The following USP47 variants were observed in gnomAD, a reference collection of about 807,000 sequenced individuals.
USP47 encodes ubiquitin carboxyl-terminal hydrolase 47.
USP47 carries 35 observed loss-of-function variants against 165.1 expected under a neutral mutation model. The observed-to-expected ratio is 0.21, with a 90% confidence interval of 0.16 to 0.28. USP47 has a LOEUF of 0.28. Ranked by LOEUF, USP47 falls within the 10% of genes least tolerant of loss-of-function variation. The probability of loss-of-function intolerance (pLI) is 1.00; values close to 1 mark genes in which losing one functional copy is unlikely to be tolerated. For synonymous variants in USP47, 531 were observed against 544.5 expected, an observed-to-expected ratio of 0.98 and a Z score of 0.35; for missense variants, 1,277 against 1,607.4, an observed-to-expected ratio of 0.79 and a Z score of 3.52.
At chr11:11,944,231 T>C (rs929168699) in intron 20 of USP47, among the ~76,000 whole-genome samples, 10 of 151,002 alleles carry the variant, frequency 6.6e-5, no homozygotes, top group Non-Finnish European at 1.3e-4. Flanking sequence ...TGCAGCCTTA[T>C]GCTTCATCTC....
At chr11:11,866,696 C>T (rs1849703098) in intron 1 of USP47, among the ~76,000 whole-genome samples, 1 of 152,024 alleles carries the variant, frequency 6.6e-6, no homozygotes, top group Non-Finnish European at 1.5e-5. Context: ...ACAGAAATCT[C>T]TGTTTTTGCA....
At chr11:11,847,101 G>T (rs1487422962) in intron 1 of USP47, among the ~76,000 whole-genome samples, 1 of 152,094 alleles carries the variant, frequency 6.6e-6, no homozygotes, top group Non-Finnish European at 1.5e-5. Flanking sequence ...ACAATTTAGG[G>T]TTAAATGCGT....
chr11:11,955,504 T>A (rs1054858840), intron 27 of USP47, among the ~76,000 whole-genome samples: 2 of 152,190 alleles, frequency 1.3e-5, no homozygotes, highest in Admixed American at 1.3e-4. Flanking sequence ...TTCCAGCACA[T>A]CTCAATTTGA....
chr11:11,913,144 G>A, intron 8 of USP47, among the ~76,000 whole-genome samples: 1 of 151,098 alleles, frequency 6.6e-6, no homozygotes, highest in East Asian at 1.9e-4. Flanking sequence ...AGTCCTAGAA[G>A]TCCTAGCCAA....
chr11:11,889,204 A>G (rs1472753686), intron 3 of USP47, among the ~76,000 whole-genome samples: 1 of 152,220 alleles, frequency 6.6e-6, no homozygotes, highest in Non-Finnish European at 1.5e-5. Context: ...TGACCTGGGC[A>G]ATCAGGCAAG....
chr11:11,958,202 G>A lies in USP47; in HGVS notation c.*2027G>A, dbSNP rs755732600. The A allele has an allele frequency of 7.2e-5, 11 of 152,210 alleles. No individual in the cohort carries two copies. Among genetic ancestry groups the A allele is most frequent in the Non-Finnish European group, 1.2e-4 (8 of 68,030 alleles). The allele number at this position is 152,210 out of a possible 1,614,324, so 9.4% of individuals were successfully genotyped here. On this transcript the variant is annotated 3_prime_UTR_variant, in exon 28 of 28. Coordinates refer to ENST00000527733, the MANE Select transcript of USP47 (RefSeq NM_001282659.2). The stretch of plus-strand genomic sequence containing the variant: ...ATTGGGTTTGGTTTAGTATTCCTAT[G>A]AGCGTAAATGGTAAAATTCTTCTGA...
rs1403696627 is a variant in USP47 at position 11,891,992 on chromosome 11, A to C, written c.382A>C (p.Ser128Arg). The C allele has an allele frequency of 1.2e-6, 2 of 1,613,420 alleles. No individual in the cohort carries two copies. Among genetic ancestry groups the C allele is most frequent in the Middle Eastern group, 1.7e-4 (1 of 6,056 alleles). ...LLEDSSAGED[S>R]VHDRFIGPLP... The stretch of plus-strand genomic sequence containing the variant: ...GGAGGATTCCAGTGCTGGGGAAGAC[A>C]GTGTTCATGACAGGTTTATAGGTCC... The change falls in exon 4 of 28, where the codon AGT becomes CGT. Residue 128 changes from serine (S) to arginine (R), a missense_variant. Physicochemically the swap from Ser to Arg is moderately radical, Grantham distance 110. This residue lies in a region of USP47 where 181 missense variants were observed against 194.7 expected (regional missense o/e 0.93). Coordinates refer to ENST00000527733, the MANE Select transcript of USP47 (RefSeq NM_001282659.2).
At chr11:11,917,106 C>T (rs985404896) in intron 8 of USP47, among the ~76,000 whole-genome samples, 2 of 152,040 alleles carry the variant, frequency 1.3e-5, no homozygotes, top group Non-Finnish European at 2.9e-5. Context: ...TGAGCCAGCA[C>T]ACCACTGCAT....
intron 4 of USP47, among the ~76,000 whole-genome samples, chr11:11,893,735 A>T (rs1476842800): frequency 2.0e-5 from 3 of 151,884 alleles, no homozygotes; most frequent in Non-Finnish European, 2.9e-5. Flanking sequence ...TTTTCTAGAG[A>T]TGAGGTCTCA....
At chr11:11,861,266 TG>T (rs1380004683) in intron 1 of USP47, among the ~76,000 whole-genome samples, 1 of 152,142 alleles carries the variant, frequency 6.6e-6, no homozygotes, top group Non-Finnish European at 1.5e-5. Context: ...AGCTAATTTT[TG>T]TATTTTTTAG....
rs79953754 is a variant in USP47 at position 11,889,060 on chromosome 11, A to G, written c.358-2908A>G. On this transcript the variant is annotated intron_variant, in intron 3 of 27. Transcript: ENST00000527733. The stretch of plus-strand genomic sequence containing the variant: ...ATTGAAGGAATATACTCAAAATAGC[A>G]AGAATCATATATGACAGGCCCACAG... Among the ~76,000 whole-genome samples, 846 of 152,272 alleles carry G rather than the reference A, an allele frequency of 5.6e-3. 25 individuals are homozygous for G. In the East Asian group the frequency reaches 0.062, roughly 11 times the overall value.
At chr11:11,870,778 T>C (rs1849987865) in intron 1 of USP47, among the ~76,000 whole-genome samples, 1 of 152,236 alleles carries the variant, frequency 6.6e-6, no homozygotes, top group Non-Finnish European at 1.5e-5. Flanking sequence ...TTTTCCTCTC[T>C]TTGTTTTAAT....
Position 11,920,262 on chromosome 11 carries a change from T to C in USP47, c.1065+11T>C, listed in dbSNP as rs1853733318. 4 of 1,609,014 alleles carry C rather than the reference T, an allele frequency of 2.5e-6. No homozygotes were observed. The highest frequency in any genetic ancestry group is 3.4e-6 in the Non-Finnish European group (4 of 1,177,652). On this transcript the variant is annotated intron_variant, in intron 9 of 27. Coordinates refer to ENST00000527733, the MANE Select transcript of USP47 (RefSeq NM_001282659.2). ...TGTGATGCACGGAAGGTAAATGCCA[T>C]GTAGAGATTAATACTTAGGAATCTG...
At chr11:11,930,160 T>A (rs761436216) in intron 13 of USP47, 40 bp downstream of exon 13, 2 of 1,528,882 alleles carry the variant, frequency 1.3e-6, no homozygotes, top group Admixed American at 3.4e-5. Context: ...AAAGTTAGAA[T>A]TAATTATAGC....
At chr11:11,918,964 G>A (rs1853627316) in intron 8 of USP47, among the ~76,000 whole-genome samples, 2 of 151,594 alleles carry the variant, frequency 1.3e-5, no homozygotes, top group African/African-American at 4.8e-5. Context: ...ATGCCTGAGA[G>A]GGAAAAAAAA....
In USP47 at chr11:11,884,532, C is replaced by T. The variant is rs760242388; in HGVS notation, c.309C>T (p.Asn103=). 3.3e-5 allele frequency: 54 copies of T among 1,612,146 alleles called. No individual in the cohort carries two copies. The highest frequency in any genetic ancestry group is 4.3e-5 in the Non-Finnish European group (51 of 1,179,370). Residue 103 remains asparagine (N), a synonymous_variant, in exon 3 of 28, where the codon AAC becomes AAT. Coordinates refer to ENST00000527733, the MANE Select transcript of USP47 (RefSeq NM_001282659.2). The part of the protein sequence containing the change: ...LDANFEPGKK[N]FLHLTDKDGE... ...CTAATTTTGAGCCAGGAAAGAAGAA[C>T]TTTCTGCATTTGACAGATAAAGATG...
At position 11,929,994 on chromosome 11, in the gene USP47, T is replaced by C. The variant is rs768879869; in HGVS notation, c.1519-50T>C. 2.2e-6 allele frequency: 3 copies of C among 1,394,196 alleles called. No homozygotes were observed. In the East Asian group the frequency reaches 6.9e-5, roughly 32 times the overall value. 86.4% of individuals were successfully genotyped at this position (1,394,196 alleles called of 1,614,324 possible). On this transcript the variant is annotated intron_variant, in intron 12 of 27. Transcript: ENST00000527733. ...AGATTGAGTTACATATTGACGTTAA[T>C]GTGATAGTGTTATAGAATTTGCAAA...
intron 1 of USP47, among the ~76,000 whole-genome samples, chr11:11,877,431 GTT>G (rs1383088423): frequency 2.0e-5 from 3 of 147,300 alleles, no homozygotes; most frequent in African/African-American, 8.1e-5. Context: ...CTTTTTATCT[GTT>G]TAAATCATCC....
intron 1 of USP47, among the ~76,000 whole-genome samples, chr11:11,852,194 G>A (rs192526685): frequency 6.6e-6 from 1 of 152,204 alleles, no homozygotes; most frequent in East Asian, 1.9e-4. Flanking sequence ...CTTGCCTGCA[G>A]CAATTATTAC....
Sources: allele counts gnomAD v4.1 joint callset (sites outside exome capture counted in the v4.1 genomes callset), GRCh38; gene constraint gnomAD v4.1.1; regional missense constraint gnomAD v4.1.1; transcripts MANE v1.5; gene names NCBI Gene and HGNC (gene_info 2026-07-23, HGNC 2026-07-21).